The following CALN1 variants were observed in gnomAD, a reference collection of about 807,000 sequenced individuals.
CALN1 encodes calcium-binding protein 8.
A neutral mutation model predicts 30.6 loss-of-function variants in CALN1; 17 were observed. The ratio of observed to expected loss-of-function variants is 0.56; its 90% CI spans 0.38 to 0.83. The LOEUF (loss-of-function observed/expected upper bound fraction) is 0.83. Ranked by LOEUF, CALN1 falls within the 40% of genes least tolerant of loss-of-function variation. The pLI is 0.00. For missense variants in CALN1, 291 were observed against 354.9 expected (o/e 0.82, Z 1.45); for synonymous variants, 156 against 131.4 (o/e 1.19, Z -1.28).
Position 72,376,443 on chromosome 7 carries a change from G to C in CALN1, c.119+26808C>G, listed in dbSNP as rs376151670. 3.3e-5 allele frequency among the ~76,000 whole-genome samples: 5 copies of C among 152,234 alleles called. No individual in the cohort carries two copies. The East Asian group carries it at 9.6e-4, about 29-fold the overall frequency. ...TGGGTTTTGATATTATTGTGGTTTTGATTTGTATTTCTCTAATGACAGATG... is the reference window on the plus strand; with the variant it reads ...TGGGTTTTGATATTATTGTGGTTTTCATTTGTATTTCTCTAATGACAGATG... On this transcript the variant is annotated intron_variant, in intron 2 of 6. Coordinates refer to ENST00000395275, the MANE Select transcript of CALN1 (RefSeq NM_031468.4).
rs747611706 is a variant in CALN1 at position 72,403,269 on chromosome 7, G to A, written c.101C>T (p.Ala34Val). The A allele has an allele frequency of 2.6e-6, 4 of 1,549,704 alleles. No individual in the cohort carries two copies. The highest frequency in any genetic ancestry group is 2.0e-5 in the Admixed American group (1 of 50,998). The change falls in exon 2 of 7, where the codon GCC (alanine) becomes GTC (valine). Residue 34 changes from alanine to valine, a missense_variant. Transcript: ENST00000395275. ...GGGEEPPRSQ[A>V]PDFPTWEKMP... is the part of the protein sequence containing the mutation. ...GACTTGCCAGGTGGGGAAGTCGGGGGCCTGGCTCCTCGGCGGCTCCTCTCC... is the reference window on the plus strand; with the variant it reads ...GACTTGCCAGGTGGGGAAGTCGGGGACCTGGCTCCTCGGCGGCTCCTCTCC...
intron 5 of CALN1, among the ~76,000 whole-genome samples, chr7:71,982,586 C>T (rs1398628080): frequency 1.3e-5 from 2 of 152,110 alleles, no homozygotes; most frequent in Non-Finnish European, 2.9e-5. Flanking sequence ...AGGAGTGAAA[C>T]TCTGTCGCAA....
intron 5 of CALN1, among the ~76,000 whole-genome samples, chr7:71,885,478 G>C (rs1317147493): frequency 2.6e-5 from 4 of 152,178 alleles, no homozygotes; most frequent in Non-Finnish European, 5.9e-5. Flanking sequence ...AAATGTATTT[G>C]ATTGATGTCT....
intron 3 of CALN1, among the ~76,000 whole-genome samples, chr7:72,252,271 A>T (rs1016546396): frequency 1.3e-5 from 2 of 152,006 alleles, no homozygotes; most frequent in African/African-American, 2.4e-5. Flanking sequence ...CCCGCACCCC[A>T]ATCAGCAAAT....
At chr7:72,422,590 A>C (rs1807649551) in intron 1 of CALN1, among the ~76,000 whole-genome samples, 1 of 152,210 alleles carries the variant, frequency 6.6e-6, no homozygotes, top group Admixed American at 6.5e-5. Flanking sequence ...GTCCTCCGCA[A>C]GTGCTTCCAG....
At chr7:71,961,064 G>C (rs1181709113) in intron 5 of CALN1, among the ~76,000 whole-genome samples, 5 of 152,116 alleles carry the variant, frequency 3.3e-5, no homozygotes, top group Admixed American at 1.3e-4. Context: ...TGATCTGTTT[G>C]CCTTGGCCTC....
Position 72,407,955 on chromosome 7 carries a change from T to A in CALN1, c.-74+4103A>T, listed in dbSNP as rs1351950379. 2.0e-5 allele frequency among the ~76,000 whole-genome samples: 3 copies of A among 152,192 alleles called. No homozygotes were observed. In the East Asian group the frequency reaches 5.8e-4, roughly 30 times the overall value. ...CCTTCAGTCTGGAGGATCAGCTTGT[T>A]CCTGAGAGTATCCAAGAAGGGAGAC... On this transcript the variant is annotated intron_variant, in intron 1 of 6. Transcript: ENST00000395275.
At chr7:72,378,672 A>G (rs1371283630) in intron 2 of CALN1, among the ~76,000 whole-genome samples, 1 of 125,090 alleles carries the variant, frequency 8.0e-6, no homozygotes, top group Non-Finnish European at 1.6e-5. Context: ...TATAATTTTT[A>G]TTTCCATCTG....
At chr7:72,395,712 G>A (rs931107681) in intron 2 of CALN1, among the ~76,000 whole-genome samples, 3 of 152,236 alleles carry the variant, frequency 2.0e-5, no homozygotes, top group South Asian at 2.1e-4. Flanking sequence ...AAGTTTCTTA[G>A]GTAAGATCAT....
intron 3 of CALN1, among the ~76,000 whole-genome samples, chr7:72,266,236 A>G (rs1365096148): frequency 6.6e-6 from 1 of 152,196 alleles, no homozygotes; most frequent in African/African-American, 2.4e-5. Flanking sequence ...CCATCATGAT[A>G]GCTTACTATT....
At chr7:72,229,519 C>T (rs112178185) in intron 3 of CALN1, among the ~76,000 whole-genome samples, 1,840 of 152,130 alleles carry the variant, frequency 0.012, 34 homozygotes, top group African/African-American at 0.042. Flanking sequence ...ATGGGAAAGA[C>T]TTGGAACCAA....
At chr7:72,493,641 T>C in the CALN1 span, among the ~76,000 whole-genome samples, 1 of 152,178 alleles carries the variant, frequency 6.6e-6, no homozygotes, top group African/African-American at 2.4e-5. Context: ...ACCTGGCCGA[T>C]TAATTATTCT....
chr7:72,062,349 A>T (rs1486039026), intron 4 of CALN1, among the ~76,000 whole-genome samples: 2 of 151,806 alleles, frequency 1.3e-5, no homozygotes, highest in Non-Finnish European at 2.9e-5. Context: ...CATCTCTACT[A>T]AAAAATACGA....
chr7:72,201,366 A>G (rs1791401735), intron 3 of CALN1, among the ~76,000 whole-genome samples: 1 of 152,124 alleles, frequency 6.6e-6, no homozygotes, highest in South Asian at 2.1e-4. Context: ...AGGTGGGTGG[A>G]TCACTTGAGG....
At chr7:72,405,781 C>G (rs1363304767) in intron 1 of CALN1, among the ~76,000 whole-genome samples, 2 of 152,126 alleles carry the variant, frequency 1.3e-5, no homozygotes, top group Non-Finnish European at 2.9e-5. Context: ...TCCCCAGCAC[C>G]ATGGAAGTTG....
At position 71,911,400 on chromosome 7, in the gene CALN1, C is replaced by T. The variant is rs185479100; in HGVS notation, c.502-100908G>A. On this transcript the variant is annotated intron_variant, in intron 5 of 6. Coordinates refer to ENST00000395275, the MANE Select transcript of CALN1 (RefSeq NM_031468.4). The stretch of plus-strand genomic sequence containing the variant: ...GGTATTCACTGCAAGGAACCACGCT[C>T]GGTACTCATTGGATGCCTATATACT... 4.3e-3 allele frequency among the ~76,000 whole-genome samples: 649 copies of T among 152,192 alleles called. 5 individuals are homozygous for T. Among genetic ancestry groups the T allele is most frequent in the Non-Finnish European group, 7.4e-3 (500 of 68,014 alleles).
chr7:72,447,785 A>C (rs1808571894), upstream of CALN1, among the ~76,000 whole-genome samples: 1 of 150,640 alleles, frequency 6.6e-6, no homozygotes, highest in Non-Finnish European at 1.5e-5. Context: ...GTACACACAC[A>C]TGCCTGCTCG....
At chr7:72,021,100 A>G (rs1004090155) in intron 5 of CALN1, among the ~76,000 whole-genome samples, 4 of 151,964 alleles carry the variant, frequency 2.6e-5, no homozygotes, top group African/African-American at 9.7e-5. Flanking sequence ...GCAAGACACC[A>G]TATCTACCAA....
intron 3 of CALN1, among the ~76,000 whole-genome samples, chr7:72,223,493 T>C (rs976916896): frequency 1.3e-5 from 2 of 152,094 alleles, no homozygotes; most frequent in Admixed American, 1.3e-4. Context: ...TCAATGCTAG[T>C]GAACTGGAGG....
Sources: gnomAD v4.1 joint callset for allele counts (sites outside exome capture counted in the v4.1 genomes callset) on GRCh38, gnomAD v4.1.1 for gene constraint, MANE v1.5 for transcripts, NCBI Gene and HGNC (gene_info 2026-07-23, HGNC 2026-07-21) for gene names.